ATXN1: variants seen among roughly 807,000 people sequenced by gnomAD.
ATXN1 encodes the protein ataxin 1, also known as ataxin-1.
ATXN1 carries 8 observed loss-of-function variants against 56.4 expected under a neutral mutation model. That is an observed-to-expected ratio of 0.14 (90% CI 0.08 to 0.26). The LOEUF (loss-of-function observed/expected upper bound fraction) is 0.26, where lower values mean the gene tolerates loss of function less well. Ranked by LOEUF, ATXN1 falls within the 10% of genes least tolerant of loss-of-function variation. ATXN1 has a pLI of 1.00. For missense variants in ATXN1, 987 were observed against 1,106.5 expected (o/e 0.89, Z 1.53); for synonymous variants, 514 against 494.6 (o/e 1.04, Z -0.52).
At chr6:16,511,263 A>T (rs920510397) in intron 5 of ATXN1, among the ~76,000 whole-genome samples, 2 of 152,208 alleles carry the variant, frequency 1.3e-5, no homozygotes, top group Admixed American at 6.5e-5. Context: ...CTCACTAGCC[A>T]CTAGAGGGCA....
chr6:16,623,778 G>A (rs1261925599), intron 3 of ATXN1, among the ~76,000 whole-genome samples: 2 of 152,138 alleles, frequency 1.3e-5, no homozygotes, highest in Admixed American at 6.5e-5. Context: ...AAAAAGGATT[G>A]GTTTTACTGT....
intron 3 of ATXN1, among the ~76,000 whole-genome samples, chr6:16,588,205 G>A (rs1467641041): frequency 6.6e-6 from 1 of 151,896 alleles, no homozygotes; most frequent in Admixed American, 6.6e-5. Flanking sequence ...GGCTCATCTG[G>A]ACTCTTTCCC....
chr6:16,467,307 T>C (rs544614771), intron 6 of ATXN1, among the ~76,000 whole-genome samples: 1 of 152,248 alleles, frequency 6.6e-6, no homozygotes, highest in Non-Finnish European at 1.5e-5. Flanking sequence ...ATGCAAATTA[T>C]GTATGAAGAG....
intron 3 of ATXN1, among the ~76,000 whole-genome samples, chr6:16,639,729 G>A (rs1284430084): frequency 6.6e-6 from 1 of 152,202 alleles, no homozygotes; most frequent in Non-Finnish European, 1.5e-5. Context: ...ACTCTGACAT[G>A]CCAACTCACT....
At chr6:16,408,457 T>G (rs1427431936) in intron 6 of ATXN1, among the ~76,000 whole-genome samples, 1 of 151,898 alleles carries the variant, frequency 6.6e-6, no homozygotes, top group African/African-American at 2.4e-5. Context: ...TTAAATACTT[T>G]CCTTCATCAA....
intron 6 of ATXN1, among the ~76,000 whole-genome samples, chr6:16,372,720 C>T (rs908194427): frequency 3.9e-5 from 6 of 152,146 alleles, no homozygotes; most frequent in African/African-American, 1.4e-4. Context: ...TTGAGACCAG[C>T]CTGGGCAACC....
chr6:16,691,807 G>C (rs143414224), intron 2 of ATXN1, among the ~76,000 whole-genome samples: 1 of 152,184 alleles, frequency 6.6e-6, no homozygotes, highest in Non-Finnish European at 1.5e-5. Flanking sequence ...TTCACATGTC[G>C]AATCCTAACT....
At chr6:16,671,456 A>C (rs1280157530) in intron 2 of ATXN1, among the ~76,000 whole-genome samples, 1 of 152,138 alleles carries the variant, frequency 6.6e-6, no homozygotes, top group African/African-American at 2.4e-5. Flanking sequence ...GCAGATGGGA[A>C]TTTTGAACTC....
chr6:16,538,965 C>T (rs751303262), intron 4 of ATXN1, among the ~76,000 whole-genome samples: 2 of 152,178 alleles, frequency 1.3e-5, no homozygotes, highest in African/African-American at 4.8e-5. Context: ...GGATTACAGG[C>T]ATGAGTCACT....
rs574844754 is a variant in ATXN1, at chr6:16,529,757, A to G, written c.-360-7069T>C. On this transcript the variant is annotated intron_variant, in intron 4 of 7. Coordinates refer to ENST00000436367, the MANE Select transcript of ATXN1 (RefSeq NM_001128164.2). ...GAGTTAGGACTTAAGTGAGTTTCCA[A>G]ATTCCCTAAACTTACTATGGCATGA... Among the ~76,000 whole-genome samples the G allele has an allele frequency of 2.0e-5, 3 of 152,274 alleles. No homozygotes were observed. In the East Asian group the frequency reaches 5.8e-4, roughly 29 times the overall value.
intron 2 of ATXN1, among the ~76,000 whole-genome samples, chr6:16,720,316 C>G (rs971976936): frequency 6.6e-6 from 1 of 152,200 alleles, no homozygotes; most frequent in Non-Finnish European, 1.5e-5. Context: ...TTTGGGGGGT[C>G]TGCAAATAGA....
At chr6:16,663,474 AG>A (rs1172076394) in intron 2 of ATXN1, among the ~76,000 whole-genome samples, 5 of 152,122 alleles carry the variant, frequency 3.3e-5, no homozygotes, top group Non-Finnish European at 7.4e-5. Flanking sequence ...TCTGTGGCAT[AG>A]ACATGTGAAA....
At chr6:16,727,967 T>C (rs1041426120) in intron 2 of ATXN1, among the ~76,000 whole-genome samples, 1 of 152,200 alleles carries the variant, frequency 6.6e-6, no homozygotes, top group Admixed American at 6.5e-5. Flanking sequence ...CACCATCTAC[T>C]ACTCTAAAAT....
chr6:16,518,719 C>T (rs1487317875), intron 5 of ATXN1, among the ~76,000 whole-genome samples: 2 of 152,312 alleles, frequency 1.3e-5, no homozygotes, highest in South Asian at 2.1e-4. Context: ...ATCTATCTGT[C>T]ATCTTAATGG....
chr6:16,715,438 C>A (rs1184406035), intron 2 of ATXN1, among the ~76,000 whole-genome samples: 1 of 152,168 alleles, frequency 6.6e-6, no homozygotes, highest in East Asian at 1.9e-4. Context: ...CTACTGCCAT[C>A]AACGGCAGTG....
intron 2 of ATXN1, among the ~76,000 whole-genome samples, chr6:16,693,023 A>C (rs1443551263): frequency 6.6e-6 from 1 of 152,116 alleles, no homozygotes. Flanking sequence ...CTAAGTTCAG[A>C]TTTCAGCTCC....
At chr6:16,475,581 G>A (rs1044426742) in intron 6 of ATXN1, among the ~76,000 whole-genome samples, 1 of 152,166 alleles carries the variant, frequency 6.6e-6, no homozygotes, top group African/African-American at 2.4e-5. Context: ...GAGAAGTTGG[G>A]CAATTTCCCA....
intron 4 of ATXN1, among the ~76,000 whole-genome samples, chr6:16,552,201 C>G (rs1263421407): frequency 6.6e-6 from 1 of 152,156 alleles, no homozygotes; most frequent in Non-Finnish European, 1.5e-5. Context: ...GAATAAGGAT[C>G]CTAAATTGCT....
chr6:16,676,744 A>G (rs1438101713), intron 2 of ATXN1, among the ~76,000 whole-genome samples: 1 of 152,208 alleles, frequency 6.6e-6, no homozygotes, highest in Non-Finnish European at 1.5e-5. Flanking sequence ...GCTTGTTGTG[A>G]TAAAATAATT....
Sources: allele counts gnomAD v4.1 joint callset (sites outside exome capture counted in the v4.1 genomes callset), GRCh38; gene constraint gnomAD v4.1.1; transcripts MANE v1.5; gene names NCBI Gene and HGNC (gene_info 2026-07-23, HGNC 2026-07-21).